The following ARHGAP17 variants were observed in gnomAD, a reference collection of about 807,000 sequenced individuals.
The protein encoded by ARHGAP17 is rho GTPase-activating protein 17.
A neutral mutation model predicts 99.5 loss-of-function variants in ARHGAP17; 57 were observed. The ratio of observed to expected loss-of-function variants is 0.57; its 90% confidence interval spans 0.46 to 0.71. The LOEUF is 0.71. Ranked by LOEUF, ARHGAP17 falls within the 30% of genes least tolerant of loss-of-function variation. The pLI is 0.00. For synonymous variants in ARHGAP17, 417 were observed against 429.6 expected, an observed-to-expected ratio of 0.97 and a Z score of 0.36; for missense variants, 1,000 against 1,122.4, an observed-to-expected ratio of 0.89 and a Z score of 1.56.
intron 1 of ARHGAP17, among the ~76,000 whole-genome samples, chr16:25,004,737 T>C (rs116170145): frequency 0.023 from 3,507 of 152,212 alleles, 119 homozygotes; most frequent in African/African-American, 0.078. Flanking sequence ...TCAAATTGAC[T>C]ACTAAACCAA....
chr16:25,010,353 C>T (rs970087717), intron 1 of ARHGAP17, among the ~76,000 whole-genome samples: 2 of 152,152 alleles, frequency 1.3e-5, no homozygotes, highest in African/African-American at 4.8e-5. Context: ...GGATTACAGG[C>T]GTGAGCCACC....
At position 24,925,196 on chromosome 16, in the gene ARHGAP17, T is replaced by C. The variant is rs192201707; in HGVS notation, c.2516-4936A>G. Among the ~76,000 whole-genome samples, 134 of 152,218 alleles carry C rather than the reference T, an allele frequency of 8.8e-4. 1 individual carries two copies. Among genetic ancestry groups the C allele is most frequent in the Admixed American group, 5.9e-3 (90 of 15,280 alleles). Reference sequence around the variant, plus strand: ...GAGTTGGAGACCAGCCTGGCCAATATGGCAAAACCCTGTCTCTACTAAAAA... The same window carrying C: ...GAGTTGGAGACCAGCCTGGCCAATACGGCAAAACCCTGTCTCTACTAAAAA... On this transcript the variant is annotated intron_variant, in intron 19 of 19. Coordinates refer to ENST00000289968, the MANE Select transcript of ARHGAP17 (RefSeq NM_001006634.3).
At chr16:24,982,894 C>G (rs753942564) in intron 1 of ARHGAP17, among the ~76,000 whole-genome samples, 55 of 131,156 alleles carry the variant, frequency 4.2e-4, no homozygotes, top group Non-Finnish European at 7.2e-4. Context: ...CTGAATTCGT[C>G]AAGACATCTA....
chr16:24,919,613 G>A lies in ARHGAP17; in HGVS notation c.*517C>T, dbSNP rs1597343600. 1 of 152,818 alleles carries A rather than the reference G, an allele frequency of 6.5e-6. No individual in the cohort carries two copies. The allele number at this position is 152,818 out of a possible 1,614,324, so 9.5% of individuals were successfully genotyped here. ...ATGGGCATGGTTCTGAGGGGACTGGGGAGACACAGACCATACATGATACAA... is the reference window on the plus strand; with the variant it reads ...ATGGGCATGGTTCTGAGGGGACTGGAGAGACACAGACCATACATGATACAA... On this transcript the variant is annotated 3_prime_UTR_variant, in exon 20 of 20. Transcript: ENST00000289968.
chr16:25,004,284 T>G (rs1016307633), intron 1 of ARHGAP17, among the ~76,000 whole-genome samples: 6 of 152,248 alleles, frequency 3.9e-5, no homozygotes, highest in East Asian at 1.9e-4. Flanking sequence ...TAAAAATGAT[T>G]GCTCACGTTA....
intron 1 of ARHGAP17, among the ~76,000 whole-genome samples, chr16:25,013,017 G>A (rs575962329): frequency 1.3e-5 from 2 of 152,144 alleles, no homozygotes; most frequent in South Asian, 2.1e-4. Flanking sequence ...GGGAATCAAA[G>A]GAGACACAGC....
intron 3 of ARHGAP17, among the ~76,000 whole-genome samples, chr16:24,975,412 T>C (rs1327778740): frequency 6.6e-6 from 1 of 152,012 alleles, no homozygotes; most frequent in Non-Finnish European, 1.5e-5. Flanking sequence ...GAGAACTTAA[T>C]GAAACAATGT....
At chr16:24,937,922 C>G (rs968038729) in intron 17 of ARHGAP17, among the ~76,000 whole-genome samples, 3 of 152,178 alleles carry the variant, frequency 2.0e-5, no homozygotes, top group African/African-American at 7.2e-5. Flanking sequence ...CAATGCAGAA[C>G]ATATGACAAC....
chr16:25,015,174 C>A, intron 1 of ARHGAP17, 35 bp downstream of exon 1: 12 of 1,273,900 alleles, frequency 9.4e-6, no homozygotes, highest in Non-Finnish European at 1.2e-5. Context: ...CGCCCCCAGC[C>A]CCGGTGCGAC....
rs144991183 is a variant in ARHGAP17, at chr16:24,931,016, G to C, written c.2283C>G (p.Pro761=). Residue 761 remains proline, a synonymous_variant, in exon 19 of 20, where the codon CCC becomes CCG. Transcript: ENST00000289968. The part of the protein sequence containing the change: ...SHTPPQTPTP[P]STPPLGKQNP... ...TCTGTTTTCCTAGGGGCGGAGTACTGGGGGGCGTTGGAGTCTGGGGAGGGG... is the reference window on the plus strand; with the variant it reads ...TCTGTTTTCCTAGGGGCGGAGTACTCGGGGGCGTTGGAGTCTGGGGAGGGG... 47 of 1,612,802 alleles carry C rather than the reference G, an allele frequency of 2.9e-5. No homozygotes were observed. The highest frequency in any genetic ancestry group is 3.9e-5 in the Non-Finnish European group (46 of 1,179,478).
At chr16:25,010,666 G>T (rs1371548050) in intron 1 of ARHGAP17, among the ~76,000 whole-genome samples, 1 of 152,210 alleles carries the variant, frequency 6.6e-6, no homozygotes. Context: ...ATTTTGTTCA[G>T]CTGCATATAG....
chr16:24,964,158 A>G (rs2052099237), intron 7 of ARHGAP17, 39 bp downstream of exon 7: 1 of 1,423,670 alleles, frequency 7.0e-7, no homozygotes, highest in Non-Finnish European at 9.5e-7. Context: ...CCTCATTTGC[A>G]AAAACCGAAA....
chr16:24,943,892 C>T lies in ARHGAP17; in HGVS notation c.1242-30G>A, dbSNP rs750887580. Reference sequence around the variant, plus strand: ...AAAGCAAGTTCACAAAATTAAAATACTTCCTGTAGGCAGCATCTAATTTCT... The same window carrying T: ...AAAGCAAGTTCACAAAATTAAAATATTTCCTGTAGGCAGCATCTAATTTCT... On this transcript the variant is annotated intron_variant, in intron 14 of 19. Coordinates refer to ENST00000289968, the MANE Select transcript of ARHGAP17 (RefSeq NM_001006634.3). The T allele has an allele frequency of 8.3e-6, 13 of 1,570,572 alleles. No individual in the cohort carries two copies. In the East Asian group the frequency reaches 1.1e-4, roughly 14 times the overall value.
chr16:24,982,508 T>C (rs1006516022), intron 1 of ARHGAP17, among the ~76,000 whole-genome samples: 3 of 152,200 alleles, frequency 2.0e-5, no homozygotes, highest in Non-Finnish European at 4.4e-5. Flanking sequence ...ATCATGACTA[T>C]GGAGTATAAT....
chr16:24,964,323 G>T lies in ARHGAP17; in HGVS notation c.462-15C>A. 1 of 1,566,966 alleles carries T rather than the reference G, an allele frequency of 6.4e-7. No individual in the cohort carries two copies. The highest frequency in any genetic ancestry group is 8.8e-7 in the Non-Finnish European group (1 of 1,138,470). ...CTTGGTTCCACCTGCAAAACAAAGG[G>T]GTCACCAGCATCTGAGAACCAGCTG... On this transcript the variant is annotated splice_polypyrimidine_tract_variant and intron_variant, in intron 6 of 19. Transcript: ENST00000289968.
intron 1 of ARHGAP17, among the ~76,000 whole-genome samples, chr16:24,990,234 C>T (rs986676011): frequency 1.3e-5 from 2 of 152,160 alleles, no homozygotes; most frequent in African/African-American, 2.4e-5. Context: ...CCTGTAATCC[C>T]GGCACTCTGG....
At chr16:24,961,518 ATT>A (rs1171754361) in intron 7 of ARHGAP17, among the ~76,000 whole-genome samples, 1,680 of 81,080 alleles carry the variant, frequency 0.021, 11 homozygotes, top group African/African-American at 0.08. Context: ...AAAAAAAAAA[ATT>A]TTTTTTTTTT....
chr16:25,015,258 T>A lies in ARHGAP17; in HGVS notation c.4A>T (p.Lys2Ter). The stretch of plus-strand genomic sequence containing the variant: ...TGCTTCATGCGGTTGAACTGCTTCT[T>A]CATGGCGGCGGTGGCGGCGGCGGCC... M[K>*]KQFNRMKQLA... Residue 2 changes from lysine (K) to a stop codon, truncating the protein, a stop_gained, in exon 1 of 20, where the codon AAG (lysine) becomes TAG (stop). Coordinates refer to ENST00000289968, the MANE Select transcript of ARHGAP17 (RefSeq NM_001006634.3). LOFTEE classifies it high-confidence loss of function. 1 of 1,350,598 alleles carries A rather than the reference T, an allele frequency of 7.4e-7. No homozygotes were observed. The highest frequency in any genetic ancestry group is 9.6e-7 in the Non-Finnish European group (1 of 1,040,234). The allele number at this position is 1,350,598 out of a possible 1,614,324, so 83.7% of individuals were successfully genotyped here.
intron 1 of ARHGAP17, among the ~76,000 whole-genome samples, 163 bp from the exon 2 acceptor site, chr16:24,979,168 A>G (rs894464062): frequency 1.4e-4 from 22 of 152,240 alleles, no homozygotes; most frequent in African/African-American, 4.6e-4. Flanking sequence ...GAGCAATTTA[A>G]GCAAAACCAA....
Sources: gnomAD v4.1 joint callset for allele counts (sites outside exome capture counted in the v4.1 genomes callset) on GRCh38, gnomAD v4.1.1 for gene constraint, MANE v1.5 for transcripts, NCBI Gene and HGNC (gene_info 2026-07-23, HGNC 2026-07-21) for gene names.